Variants in GOT2 observed in about 807,000 individuals in gnomAD.
GOT2 encodes the protein glutamic-oxaloacetic transaminase 2, also known as aspartate aminotransferase, mitochondrial.
Under a neutral mutation model 50.0 loss-of-function variants are expected in GOT2, and 17 were observed. The ratio of observed to expected loss-of-function variants is 0.34; its 90% CI spans 0.23 to 0.51. GOT2 has a LOEUF of 0.51. GOT2 is among the 20% of genes least tolerant of loss of function. The pLI is 0.97. For synonymous variants in GOT2, 172 were observed against 204.9 expected (o/e 0.84, Z 1.37); for missense variants, 430 against 559.6 (o/e 0.77, Z 2.34).
intron 1 of GOT2, among the ~76,000 whole-genome samples, chr16:58,730,241 C>T (rs987690119): frequency 2.0e-5 from 3 of 152,094 alleles, no homozygotes; most frequent in African/African-American, 7.2e-5. Context: ...GGTACATGTG[C>T]ATGTCCTGGG....
intron 8 of GOT2, among the ~76,000 whole-genome samples, chr16:58,714,457 C>T (rs1198707461): frequency 6.6e-6 from 1 of 150,660 alleles, no homozygotes; most frequent in Non-Finnish European, 1.5e-5. Flanking sequence ...GAGGCTGAGG[C>T]AGGAGAATGG....
At chr16:58,733,651 G>A (rs2044853393) in intron 1 of GOT2, among the ~76,000 whole-genome samples, 1 of 152,032 alleles carries the variant, frequency 6.6e-6, no homozygotes, top group Non-Finnish European at 1.5e-5. Context: ...CCGGCGCCCC[G>A]GAAACCTTCC....
chr16:58,716,673 C>G lies in GOT2; in HGVS notation c.843G>C (p.Met281Ile). 1.2e-6 allele frequency: 2 copies of G among 1,613,780 alleles called. No individual in the cohort carries two copies. The highest frequency in any genetic ancestry group is 1.7e-6 in the Non-Finnish European group (2 of 1,179,856). ...GATGCTGTAGCTTACCATATAAGCC[C>G]ATGTTCTTGGCATATGATTGGCAGA... ...VCLCQSYAKN[M>I]GLYGERVGAF... Residue 281 changes from methionine to isoleucine, a missense_variant, in exon 7 of 10, where the codon ATG becomes ATC. Met to Ile is a conservative substitution (Grantham distance 10). Transcript: ENST00000245206.
At chr16:58,709,678 C>G in intron 8 of GOT2, 111 bp from the exon 9 acceptor site, 2 of 807,718 alleles carry the variant, frequency 2.5e-6, no homozygotes, top group South Asian at 4.4e-5. Context: ...CCTCAATTCT[C>G]AGGTCACGAA....
intron 1 of GOT2, among the ~76,000 whole-genome samples, chr16:58,725,407 G>A (rs141712172): frequency 1.4e-3 from 216 of 152,188 alleles, no homozygotes; most frequent in African/African-American, 4.6e-3. Context: ...GAGCCACTGC[G>A]CCTGGCCTTG....
chr16:58,716,876 A>C lies in GOT2; in HGVS notation c.703-63T>G, dbSNP rs1181012808. 2.7e-6 allele frequency: 4 copies of C among 1,483,682 alleles called. No homozygotes were observed. The African/African-American group carries it at 5.6e-5, about 21-fold the overall frequency. The allele number at this position is 1,483,682 out of a possible 1,614,324, so 91.9% of individuals were successfully genotyped here. On this transcript the variant is annotated intron_variant, in intron 6 of 9. Transcript: ENST00000245206. ...TCTGAAGAGGCCCCAGATGTTTATA[A>C]AAGTCTGAAAGATGTTTATGTGAGG...
chr16:58,719,219 A>G lies in GOT2; in HGVS notation c.412T>C (p.Leu138=). 3 of 1,613,382 alleles carry G rather than the reference A, an allele frequency of 1.9e-6. No homozygotes were observed. The highest frequency in any genetic ancestry group is 2.5e-6 in the Non-Finnish European group (3 of 1,179,416). ...ACCAGAAAACTGGCTCCGATCCTTA[A>G]GGCTCCAGTTCCAGAAATGGTCTGC... ...TVQTISGTGA[L]RIGASFLQRF... Residue 138 remains leucine (L), a synonymous_variant, in exon 4 of 10, where the codon TTA becomes CTA. Transcript: ENST00000245206.
In GOT2 at chr16:58,714,067, T is replaced by A. The variant is rs138678876; in HGVS notation, c.1019+1947A>T. On this transcript the variant is annotated intron_variant, in intron 8 of 9. Coordinates refer to ENST00000245206, the MANE Select transcript of GOT2 (RefSeq NM_002080.4). ...AGGTTAATTTTTTTATTTTTTATTTTTTTATTTTCTTTTATTTTAATAGAG... is the reference window on the plus strand; with the variant it reads ...AGGTTAATTTTTTTATTTTTTATTTATTTATTTTCTTTTATTTTAATAGAG... Among the ~76,000 whole-genome samples, 34 of 152,144 alleles carry A rather than the reference T, an allele frequency of 2.2e-4. 1 individual carries two copies. The East Asian group carries it at 6.2e-3, about 28-fold the overall frequency.
intron 2 of GOT2, 51 bp downstream of exon 2, chr16:58,723,695 C>CAT: frequency 6.8e-7 from 1 of 1,480,884 alleles, no homozygotes; most frequent in Middle Eastern, 1.7e-4. Flanking sequence ...CTCTCCAGGG[C>CAT]TCTCTTCAGT....
At chr16:58,709,344 G>GA (rs561297553) in intron 9 of GOT2, 73 bp downstream of exon 9, 36 of 1,213,166 alleles carry the variant, frequency 3.0e-5, no homozygotes, top group Non-Finnish European at 3.9e-5. Flanking sequence ...AAAGAAAAAA[G>GA]AAAAAAAAGT....
chr16:58,718,477 C>T (rs748705691), intron 5 of GOT2, 50 bp downstream of exon 5: 36 of 1,510,378 alleles, frequency 2.4e-5, no homozygotes, highest in Non-Finnish European at 3.0e-5. Context: ...ATCAAATGTC[C>T]GCAAGCAAGG....
chr16:58,716,670 G>C lies in GOT2; in HGVS notation c.846C>G (p.Gly282=). ...CLCQSYAKNM[G]LYGERVGAFT... is the part of the protein sequence containing the mutation. ...CTGGATGCTGTAGCTTACCATATAAGCCCATGTTCTTGGCATATGATTGGC... is the reference window on the plus strand; with the variant it reads ...CTGGATGCTGTAGCTTACCATATAACCCCATGTTCTTGGCATATGATTGGC... The change falls in exon 7 of 10, where the codon GGC becomes GGG. Residue 282 remains glycine (G), a synonymous_variant. Coordinates refer to ENST00000245206, the MANE Select transcript of GOT2 (RefSeq NM_002080.4). 6.2e-7 allele frequency: 1 copy of C among 1,613,546 alleles called. No individual in the cohort carries two copies. The highest frequency in any genetic ancestry group is 8.5e-7 in the Non-Finnish European group (1 of 1,179,824).
At chr16:58,716,567 C>T in intron 7 of GOT2, 96 bp downstream of exon 7, 2 of 812,960 alleles carry the variant, frequency 2.5e-6, no homozygotes, top group Non-Finnish European at 3.7e-6. Flanking sequence ...TGGACACACA[C>T]ACACACACAC....
At position 58,716,822 on chromosome 16, in the gene GOT2, G is replaced by A. The variant is rs368860781; in HGVS notation, c.703-9C>T. 72 of 1,613,612 alleles carry A rather than the reference G, an allele frequency of 4.5e-5. No individual in the cohort carries two copies. In the African/African-American group the frequency reaches 7.6e-4, roughly 17 times the overall value. ...GCAAAGAGATTCCTTTTCTGAGAAG[G>A]AACGAAAGATCGAAGCTTTAGCAGT... On this transcript the variant is annotated splice_polypyrimidine_tract_variant and intron_variant, in intron 6 of 9. Coordinates refer to ENST00000245206, the MANE Select transcript of GOT2 (RefSeq NM_002080.4).
intron 1 of GOT2, chr16:58,733,911 A>C (rs1018484580): frequency 7.6e-6 from 3 of 395,606 alleles, no homozygotes; most frequent in East Asian, 3.6e-5. Context: ...TGCAGGGCCC[A>C]GTGCGGGGAC....
chr16:58,713,383 A>C (rs1240524172), intron 8 of GOT2, among the ~76,000 whole-genome samples: 1 of 152,152 alleles, frequency 6.6e-6, no homozygotes, highest in African/African-American at 2.4e-5. Context: ...TCACAGCTGT[A>C]ATCCCAGCAC....
At chr16:58,733,276 T>C (rs905842035) in intron 1 of GOT2, among the ~76,000 whole-genome samples, 3 of 152,116 alleles carry the variant, frequency 2.0e-5, no homozygotes, top group African/African-American at 7.2e-5. Flanking sequence ...CAGTACGAAA[T>C]TACGTTTGTC....
At chr16:58,727,601 G>A (rs768833115) in intron 1 of GOT2, among the ~76,000 whole-genome samples, 13 of 152,160 alleles carry the variant, frequency 8.5e-5, no homozygotes, top group Non-Finnish European at 1.8e-4. Context: ...ACTGCAGGGA[G>A]ATGATGGATA....
At position 58,734,280 on chromosome 16, in the gene GOT2, C is replaced by T; in HGVS notation, c.-52G>A. The T allele has an allele frequency of 3.1e-6, 3 of 982,004 alleles. No individual in the cohort carries two copies. Among genetic ancestry groups the T allele is most frequent in the South Asian group, 4.2e-5 (1 of 23,562 alleles). The allele number at this position is 982,004 out of a possible 1,614,324, so 60.8% of individuals were successfully genotyped here. A position where few individuals can be genotyped will look rare whatever the true frequency, so the allele number is the denominator to read the frequency against. On this transcript the variant is annotated 5_prime_UTR_variant, in exon 1 of 10. Transcript: ENST00000245206. ...GCCGCAGGACGGAGCAGAGGGCGAG[C>T]GGACACACACACAGGGAACCGGCTC...
Sources: allele counts gnomAD v4.1 joint callset (sites outside exome capture counted in the v4.1 genomes callset), GRCh38; gene constraint gnomAD v4.1.1; transcripts MANE v1.5; gene names NCBI Gene and HGNC (gene_info 2026-07-23, HGNC 2026-07-21).